FBN1: variants seen among roughly 807,000 people sequenced by gnomAD.
FBN1 encodes the protein fibrillin-1.
A neutral mutation model predicts 365.1 loss-of-function variants in FBN1; 29 were observed. That is an observed-to-expected ratio of 0.08 (90% CI 0.06 to 0.11). The LOEUF (loss-of-function observed/expected upper bound fraction) is 0.11, where lower values mean the gene tolerates loss of function less well. Ranked by LOEUF, FBN1 falls within the 10% of genes least tolerant of loss-of-function variation. The probability of loss-of-function intolerance (pLI) is 1.00; values close to 1 mark genes in which losing one functional copy is unlikely to be tolerated. For missense variants in FBN1, 2,476 were observed against 3,703.2 expected (o/e 0.67, Z 8.60); for synonymous variants, 1,210 against 1,270.5 (o/e 0.95, Z 1.01).
intron 10 of FBN1, 70 bp downstream of exon 10, chr15:48,520,589 C>G: frequency 1.9e-6 from 3 of 1,574,096 alleles, no homozygotes; most frequent in Non-Finnish European, 2.6e-6. Context: ...ACATCTGCAT[C>G]ATGCACATTG....
chr15:48,486,688 C>A (rs766812254), intron 29 of FBN1, among the ~76,000 whole-genome samples: 1 of 152,156 alleles, frequency 6.6e-6, no homozygotes, highest in Non-Finnish European at 1.5e-5. Context: ...CAGCACTCAC[C>A]GTGTTTAGTT....
intron 55 of FBN1, among the ~76,000 whole-genome samples, chr15:48,431,130 C>G (rs2043020364): frequency 6.6e-6 from 1 of 151,922 alleles, no homozygotes; most frequent in African/African-American, 2.4e-5. Context: ...AAGAGTCTCT[C>G]TCTGTTGCCC....
intron 5 of FBN1, among the ~76,000 whole-genome samples, 200 bp from the exon 6 acceptor site, chr15:48,596,578 G>A (rs1238978503): frequency 6.6e-6 from 1 of 152,234 alleles, no homozygotes; most frequent in African/African-American, 2.4e-5. Context: ...AGATGAGTTT[G>A]TATCTATGTT....
chr15:48,589,552 T>C (rs890025961), intron 6 of FBN1, among the ~76,000 whole-genome samples: 1 of 151,848 alleles, frequency 6.6e-6, no homozygotes, highest in Non-Finnish European at 1.5e-5. Context: ...AATACCACTG[T>C]AGACGCACAG....
chr15:48,549,581 C>T (rs913867463), intron 6 of FBN1, among the ~76,000 whole-genome samples: 1 of 152,212 alleles, frequency 6.6e-6, no homozygotes, highest in African/African-American at 2.4e-5. Context: ...AGTTCCATTA[C>T]TTGCAACCAA....
intron 2 of FBN1, among the ~76,000 whole-genome samples, chr15:48,628,521 G>A (rs142765445): frequency 6.6e-6 from 1 of 152,202 alleles, no homozygotes; most frequent in East Asian, 1.9e-4. Flanking sequence ...TGGGATAAAT[G>A]GACCTTTGCA....
chr15:48,412,421 G>T, intron 65 of FBN1, 148 bp downstream of exon 65: 1 of 860,780 alleles, frequency 1.2e-6, no homozygotes, highest in Non-Finnish European at 1.9e-6. Flanking sequence ...ACAGCCTCTT[G>T]TAAAATACAG....
intron 38 of FBN1, among the ~76,000 whole-genome samples, chr15:48,467,194 A>C (rs1292737770): frequency 6.6e-6 from 1 of 152,134 alleles, no homozygotes; most frequent in Non-Finnish European, 1.5e-5. Flanking sequence ...TTAGGTCATA[A>C]TTTGCCTACT....
chr15:48,440,943 A>G (rs1432692867), intron 50 of FBN1, among the ~76,000 whole-genome samples: 1 of 151,510 alleles, frequency 6.6e-6, no homozygotes, highest in Admixed American at 6.6e-5. Flanking sequence ...CAACAGTAAC[A>G]ACCAAACAAC....
chr15:48,622,135 A>C (rs554254714), intron 2 of FBN1, among the ~76,000 whole-genome samples: 15 of 152,378 alleles, frequency 9.8e-5, no homozygotes, highest in Admixed American at 2.6e-4. Context: ...AAACCGTTCT[A>C]AAGTGAAAAG....
In FBN1 at chr15:48,441,875, T is replaced by A. The variant is rs761072041; in HGVS notation, c.6038-29A>T. ...AAAGAATCACATGAGTCAAACAAAGTCAAAACACGATGGAGACATCATCAG... is the reference window on the plus strand; with the variant it reads ...AAAGAATCACATGAGTCAAACAAAGACAAAACACGATGGAGACATCATCAG... On this transcript the variant is annotated intron_variant, in intron 49 of 65. Coordinates refer to ENST00000316623, the MANE Select transcript of FBN1 (RefSeq NM_000138.5). The A allele has an allele frequency of 1.9e-6, 3 of 1,611,426 alleles. No individual in the cohort carries two copies. The Admixed American group carries it at 5.0e-5, about 27-fold the overall frequency.
At chr15:48,638,995 TTC>T (rs1241637591) in intron 2 of FBN1, among the ~76,000 whole-genome samples, 3 of 152,250 alleles carry the variant, frequency 2.0e-5, no homozygotes, top group East Asian at 1.9e-4. Context: ...CTATGATTCT[TTC>T]TGTTTTATTA....
intron 63 of FBN1, among the ~76,000 whole-genome samples, chr15:48,419,532 AAG>A (rs1040373575): frequency 6.6e-6 from 1 of 152,162 alleles, no homozygotes; most frequent in African/African-American, 2.4e-5. Context: ...CTAATGAACA[AAG>A]ACATTTTTAT....
chr15:48,589,872 T>C (rs1416337092), intron 6 of FBN1, among the ~76,000 whole-genome samples: 1 of 152,162 alleles, frequency 6.6e-6, no homozygotes, highest in Non-Finnish European at 1.5e-5. Context: ...TGCCCCGGCC[T>C]CCCAAAGTGC....
intron 6 of FBN1, among the ~76,000 whole-genome samples, chr15:48,572,671 T>C (rs925566668): frequency 6.6e-6 from 1 of 151,794 alleles, no homozygotes; most frequent in African/African-American, 2.4e-5. Flanking sequence ...GGCCACGAAA[T>C]CATACACATA....
At chr15:48,462,783 CTT>C (rs1342222369) in intron 42 of FBN1, among the ~76,000 whole-genome samples, 2 of 152,148 alleles carry the variant, frequency 1.3e-5, no homozygotes, top group Admixed American at 1.3e-4. Context: ...TGTTTACAGT[CTT>C]TTAGATACAT....
At chr15:48,634,248 C>T (rs184556624) in intron 2 of FBN1, among the ~76,000 whole-genome samples, 244 of 152,298 alleles carry the variant, frequency 1.6e-3, no homozygotes, top group African/African-American at 5.7e-3. Context: ...GTACCATATA[C>T]ACAGGTGCAT....
intron 2 of FBN1, among the ~76,000 whole-genome samples, chr15:48,627,312 T>A (rs1171814768): frequency 6.6e-6 from 1 of 152,220 alleles, no homozygotes. Context: ...GCACTTCTGT[T>A]TCTGAAATAG....
intron 40 of FBN1, 131 bp downstream of exon 40, chr15:48,465,437 T>C: frequency 2.0e-6 from 2 of 1,015,298 alleles, no homozygotes; most frequent in South Asian, 2.8e-5. Context: ...GAGACATATC[T>C]ACCTGGCTAT....
Sources: gnomAD v4.1 joint callset for allele counts (sites outside exome capture counted in the v4.1 genomes callset) on GRCh38, gnomAD v4.1.1 for gene constraint, MANE v1.5 for transcripts, NCBI Gene and HGNC (gene_info 2026-07-23, HGNC 2026-07-21) for gene names.